Variants in COA1 observed in about 807,000 individuals in gnomAD.
COA1 encodes the protein cytochrome c oxidase assembly factor 1, also known as cytochrome c oxidase assembly factor 1 homolog.
Under a neutral mutation model 16.0 loss-of-function variants are expected in COA1, and 13 were observed. The ratio of observed to expected loss-of-function variants is 0.81; its 90% CI spans 0.53 to 1.29. The LOEUF is 1.29. COA1 is among the 50% of genes most tolerant of loss of function. The probability of loss-of-function intolerance (pLI) is 0.00; values close to 1 mark genes in which losing one functional copy is unlikely to be tolerated. For synonymous variants in COA1, 65 were observed against 65.7 expected (o/e 0.99, Z 0.05); for missense variants, 179 against 177.0 (o/e 1.01, Z -0.06).
chr7:43,617,113 G>T (rs568722080), intron 6 of COA1, among the ~76,000 whole-genome samples: 1 of 152,288 alleles, frequency 6.6e-6, no homozygotes, highest in South Asian at 2.1e-4. Flanking sequence ...AGACTGGAAA[G>T]TGTCCCGTGG....
rs751362334 is a variant in COA1 at position 43,623,591 on chromosome 7, T to C, written c.*134-14096A>G. 5 of 1,610,356 alleles carry C rather than the reference T, an allele frequency of 3.1e-6. No homozygotes were observed. The Admixed American group carries it at 8.4e-5, about 27-fold the overall frequency. On this transcript the variant is annotated intron_variant and NMD_transcript_variant, in intron 6 of 6. Transcript: ENST00000415076. ...TACTAGCTCCTGAAATTCTTAGTTA[T>C]GATCCTATAAGCATGGCAACAGATA...
intron 1 of COA1, among the ~76,000 whole-genome samples, chr7:43,691,421 A>AATAAAG (rs1554542664): frequency 6.9e-5 from 6 of 87,512 alleles, no homozygotes; most frequent in Admixed American, 1.2e-4. Context: ...GGAAGAAAGA[A>AATAAAG]AAAGAAAGAA....
At chr7:43,610,550 C>T (rs1216084636) in intron 6 of COA1, among the ~76,000 whole-genome samples, 1 of 151,496 alleles carries the variant, frequency 6.6e-6, no homozygotes, top group Non-Finnish European at 1.5e-5. Flanking sequence ...GCCTATAGTC[C>T]CAGCTACTCC....
In COA1 at chr7:43,640,671, A is replaced by C. The variant is rs371628394; in HGVS notation, c.265-22T>G. 4.6e-6 allele frequency: 7 copies of C among 1,514,088 alleles called. No individual in the cohort carries two copies. The African/African-American group carries it at 9.8e-5, about 21-fold the overall frequency. The allele number at this position is 1,514,088 out of a possible 1,614,324, so 93.8% of individuals were successfully genotyped here. ...TCAACTGTGGGTGTAAAATGACAGA[A>C]AGGAGAGATGTAATTGGATAATTAT... On this transcript the variant is annotated intron_variant, in intron 4 of 5. Transcript: ENST00000223336.
At position 43,608,566 on chromosome 7, in the gene COA1, G is replaced by A. The variant is rs983267664; in HGVS notation, c.*1063C>T. 7 of 690,446 alleles carry A rather than the reference G, an allele frequency of 1.0e-5. No homozygotes were observed. In the Middle Eastern group the frequency reaches 1.2e-3, roughly 121 times the overall value. 42.8% of individuals were successfully genotyped at this position (690,446 alleles called of 1,614,324 possible). A position where few individuals can be genotyped will look rare whatever the true frequency, so the allele number is the denominator to read the frequency against. On this transcript the variant is annotated 3_prime_UTR_variant and NMD_transcript_variant, in exon 7 of 7. Coordinates refer to the COA1 transcript ENST00000415076. ...TCCTCTAGCCAGTTAGTTTTATCAGGGAGATAATGCACACATGTGTACATG... is the reference window on the plus strand; with the variant it reads ...TCCTCTAGCCAGTTAGTTTTATCAGAGAGATAATGCACACATGTGTACATG...
At chr7:43,688,595 G>C (rs1404469182) in intron 1 of COA1, among the ~76,000 whole-genome samples, 1 of 151,986 alleles carries the variant, frequency 6.6e-6, no homozygotes, top group African/African-American at 2.4e-5. Context: ...ACAGACAAAA[G>C]CAATGGCTTA....
intron 1 of COA1, among the ~76,000 whole-genome samples, chr7:43,687,690 A>G (rs2094102061): frequency 6.6e-6 from 1 of 152,226 alleles, no homozygotes; most frequent in Admixed American, 6.5e-5. Context: ...TAATCCAAAA[A>G]GAAAATAGTG....
chr7:43,686,492 G>A (rs1475698561), intron 1 of COA1, among the ~76,000 whole-genome samples: 5 of 151,896 alleles, frequency 3.3e-5, no homozygotes, highest in African/African-American at 1.2e-4. Context: ...ATTTTTAGTA[G>A]AGACGGGGTT....
chr7:43,622,321 G>A (rs1046413606), intron 6 of COA1: 2 of 152,078 alleles, frequency 1.3e-5, no homozygotes, highest in South Asian at 2.1e-4. Context: ...AGCATACCTC[G>A]CATTTCCTTT....
intron 1 of COA1, among the ~76,000 whole-genome samples, chr7:43,715,006 TAAAAAAAAAAAAA>T (rs755827781): frequency 0.21 from 20,437 of 95,922 alleles, 2,093 homozygotes; most frequent in Non-Finnish European, 0.28. Context: ...GCCTCTTGTC[TAAAAAAAAAAAAA>T]AAAAAAAAAA....
At chr7:43,631,860 T>C (rs528769772) in intron 6 of COA1, 18 of 152,340 alleles carry the variant, frequency 1.2e-4, no homozygotes, top group Admixed American at 1.2e-3. Flanking sequence ...GTTCATACTG[T>C]AGTTTTTTTA....
intron 1 of COA1, among the ~76,000 whole-genome samples, chr7:43,658,109 G>C (rs1156903473): frequency 6.6e-6 from 1 of 151,924 alleles, no homozygotes; most frequent in Non-Finnish European, 1.5e-5. Flanking sequence ...CGGCGCTGTG[G>C]CTCACGCTTG....
At chr7:43,668,624 A>G (rs2153191020) in intron 1 of COA1, among the ~76,000 whole-genome samples, 1 of 152,340 alleles carries the variant, frequency 6.6e-6, no homozygotes, top group Middle Eastern at 3.4e-3. Flanking sequence ...CCTGTGAATC[A>G]AGTGGCGATC....
chr7:43,713,378 A>G (rs959743099), intron 1 of COA1, among the ~76,000 whole-genome samples: 3 of 152,120 alleles, frequency 2.0e-5, no homozygotes, highest in Non-Finnish European at 2.9e-5. Flanking sequence ...TTGCTACAAT[A>G]CCTTACTATT....
At chr7:43,661,356 G>A (rs1483585372) in intron 1 of COA1, among the ~76,000 whole-genome samples, 1 of 152,182 alleles carries the variant, frequency 6.6e-6, no homozygotes, top group African/African-American at 2.4e-5. Context: ...ACCTTTCCAG[G>A]CCGGGTGCAG....
intron 6 of COA1, among the ~76,000 whole-genome samples, chr7:43,618,629 CGT>C (rs1745270706): frequency 6.6e-6 from 1 of 152,240 alleles, no homozygotes; most frequent in East Asian, 1.9e-4. Flanking sequence ...TTTCAAATTT[CGT>C]GTTTTAAAAA....
At chr7:43,644,973 C>T (rs953745942) in intron 4 of COA1, among the ~76,000 whole-genome samples, 2 of 152,024 alleles carry the variant, frequency 1.3e-5, no homozygotes, top group Non-Finnish European at 2.9e-5. Context: ...CTACTACCTT[C>T]AATTCAAGAT....
At chr7:43,698,566 T>A (rs558763915) in intron 1 of COA1, among the ~76,000 whole-genome samples, 1 of 152,306 alleles carries the variant, frequency 6.6e-6, no homozygotes, top group East Asian at 1.9e-4. Flanking sequence ...ATGCAAAGCC[T>A]CCTATACATA....
At chr7:43,728,232 C>A (rs1054460278) in intron 1 of COA1, among the ~76,000 whole-genome samples, 2 of 152,156 alleles carry the variant, frequency 1.3e-5, no homozygotes, top group Non-Finnish European at 2.9e-5. Flanking sequence ...CCTCGGCCTC[C>A]CAAAGTGCTG....
Sources: gnomAD v4.1 joint callset for allele counts (sites outside exome capture counted in the v4.1 genomes callset) on GRCh38, gnomAD v4.1.1 for gene constraint, MANE v1.5 for transcripts, NCBI Gene and HGNC (gene_info 2026-07-23, HGNC 2026-07-21) for gene names.